PCDHGB4: variants seen among roughly 807,000 people sequenced by gnomAD.
The protein encoded by PCDHGB4 is protocadherin gamma-B4.
A neutral mutation model predicts 60.5 loss-of-function variants in PCDHGB4; 38 were observed. That is an observed-to-expected ratio of 0.63 (90% CI 0.48 to 0.82). The LOEUF is 0.82. Among genes scored for constraint, PCDHGB4 ranks in the 40% least tolerant of loss-of-function variants. The pLI, the probability that PCDHGB4 is intolerant of heterozygous loss-of-function variation, is 0.00. For synonymous variants in PCDHGB4, 456 were observed against 509.7 expected (o/e 0.89, Z 1.42); for missense variants, 1,109 against 1,209.6 (o/e 0.92, Z 1.23).
At chr5:141,442,452 CA>C (rs2098325918) in intron 1 of PCDHGB4, 1 of 152,226 alleles carries the variant, frequency 6.6e-6, no homozygotes, top group Admixed American at 6.5e-5. Flanking sequence ...GACTCAATAG[CA>C]GTTTCACTGC....
At chr5:141,443,475 G>T (rs994058112) in intron 1 of PCDHGB4, among the ~76,000 whole-genome samples, 1 of 152,148 alleles carries the variant, frequency 6.6e-6, no homozygotes, top group African/African-American at 2.4e-5. Flanking sequence ...GACAGAATTA[G>T]ACCCTGTCCC....
intron 1 of PCDHGB4, among the ~76,000 whole-genome samples, chr5:141,444,880 G>A (rs527554886): frequency 6.6e-6 from 1 of 152,150 alleles, no homozygotes; most frequent in Non-Finnish European, 1.5e-5. Context: ...AAGCTTGTAG[G>A]ATTTTTGAAT....
chr5:141,460,686 C>A (rs2098995566), intron 1 of PCDHGB4, among the ~76,000 whole-genome samples: 1 of 151,698 alleles, frequency 6.6e-6, no homozygotes, highest in Admixed American at 6.6e-5. Context: ...TCTATATATC[C>A]ACCAACAGTT....
chr5:141,487,435 A>G lies in PCDHGB4; in HGVS notation c.2398-7372A>G, dbSNP rs776328527. On this transcript the variant is annotated intron_variant, in intron 1 of 3. Transcript: ENST00000519479. The surrounding 1 kb of genome is among the most constrained non-coding windows in gnomAD (Gnocchi z 5.0). ...CCAATGGGATCCTCCGAATCCAGCT[A>G]GGGTCAGATGACCCTATCAAGTTTG... 3.7e-6 allele frequency: 6 copies of G among 1,614,164 alleles called. No individual in the cohort carries two copies. In the South Asian group the frequency reaches 6.6e-5, roughly 18 times the overall value.
intron 1 of PCDHGB4, among the ~76,000 whole-genome samples, chr5:141,463,224 G>C (rs1039535501): frequency 6.6e-6 from 1 of 151,958 alleles, no homozygotes; most frequent in Non-Finnish European, 1.5e-5. Context: ...AATATTCCTG[G>C]AGTTCTTTGT....
chr5:141,471,790 C>T (rs1465283136), intron 1 of PCDHGB4, among the ~76,000 whole-genome samples: 1 of 152,068 alleles, frequency 6.6e-6, no homozygotes, highest in Non-Finnish European at 1.5e-5. Context: ...TATGCTATGT[C>T]ATATAAAAGA....
intron 1 of PCDHGB4, among the ~76,000 whole-genome samples, chr5:141,461,985 G>C (rs894777268): frequency 2.6e-5 from 4 of 152,170 alleles, no homozygotes; most frequent in Non-Finnish European, 5.9e-5. Flanking sequence ...CACCACGCCA[G>C]GCTAATTTTG....
chr5:141,485,118 G>C lies in PCDHGB4; in HGVS notation c.2398-9689G>C, dbSNP rs547390669. 1 of 1,331,536 alleles carries C rather than the reference G, an allele frequency of 7.5e-7. No homozygotes were observed. Among genetic ancestry groups the C allele is most frequent in the East Asian group, 2.3e-5 (1 of 43,534 alleles). The allele number at this position is 1,331,536 out of a possible 1,614,324, so 82.5% of individuals were successfully genotyped here. On this transcript the variant is annotated intron_variant, in intron 1 of 3. Coordinates refer to ENST00000519479, the MANE Select transcript of PCDHGB4 (RefSeq NM_003736.4). The surrounding 1 kb of genome is among the most constrained non-coding windows in gnomAD (Gnocchi z 5.7). ...TCTCCAGCTGCTGTGGCTGTTTGGG[G>C]CGGGTCGGCTTCATCCGCGTCTCAG...
chr5:141,509,051 A>G (rs1051961974), intron 3 of PCDHGB4, among the ~76,000 whole-genome samples: 1 of 152,166 alleles, frequency 6.6e-6, no homozygotes, highest in Admixed American at 6.5e-5. Context: ...CCCCGCCCCC[A>G]GAAAGCTCTC....
At chr5:141,435,430 T>C (rs576681937) in intron 1 of PCDHGB4, among the ~76,000 whole-genome samples, 115 of 152,334 alleles carry the variant, frequency 7.5e-4, no homozygotes, top group African/African-American at 2.6e-3. Flanking sequence ...ACTTCTGTTA[T>C]GCATTTCATT....
intron 1 of PCDHGB4, chr5:141,410,438 G>A (rs957017717): frequency 2.5e-6 from 4 of 1,613,894 alleles, no homozygotes; most frequent in African/African-American, 2.7e-5. Flanking sequence ...CTACAGTGAG[G>A]GGACTTTGCC....
rs1258238617 is a variant in PCDHGB4, at chr5:141,409,461, T to A, written c.2397+19180T>A. On this transcript the variant is annotated intron_variant, in intron 1 of 3. Coordinates refer to ENST00000519479, the MANE Select transcript of PCDHGB4 (RefSeq NM_003736.4). ...CGAGAGCAGACACCAGAATACAATG[T>A]CACCATCGTAGCCACTGACAGGGGC... The A allele has an allele frequency of 5.0e-6, 8 of 1,613,928 alleles. No homozygotes were observed. In the Admixed American group the frequency reaches 1.3e-4, roughly 27 times the overall value.
chr5:141,426,310 A>G, intron 1 of PCDHGB4: 1 of 173,588 alleles, frequency 5.8e-6, no homozygotes. Context: ...GAAGCAGAGA[A>G]GCAGGACCCG....
At chr5:141,429,105 C>G (rs936114624) in intron 1 of PCDHGB4, 1 of 152,318 alleles carries the variant, frequency 6.6e-6, no homozygotes, top group Non-Finnish European at 1.5e-5. Flanking sequence ...CTGCCCGCCT[C>G]GGCCTCCCAA....
intron 1 of PCDHGB4, among the ~76,000 whole-genome samples, chr5:141,482,804 G>T (rs1431490730): frequency 6.6e-6 from 1 of 152,194 alleles, no homozygotes; most frequent in East Asian, 1.9e-4. Flanking sequence ...GGGTACGGTG[G>T]CTCATGCCTG....
rs200072718 is a variant in PCDHGB4 at position 141,389,516 on chromosome 5, G to C, written c.1632G>C (p.Val544=). 4,499 of 1,613,168 alleles carry C rather than the reference G, an allele frequency of 2.8e-3. 16 individuals are homozygous for C. Among genetic ancestry groups the C allele is most frequent in the Non-Finnish European group, 3.4e-3 (4,037 of 1,179,766 alleles). ...DQGSPALSAN[V]SLRVLVDDRN... is the part of the protein sequence containing the mutation. The stretch of plus-strand genomic sequence containing the variant: ...GCTCGCCAGCGCTCAGCGCGAACGT[G>C]AGCCTGCGCGTGTTAGTGGACGACC... Residue 544 remains valine (V), a synonymous_variant, in exon 1 of 4, where the codon GTG becomes GTC. Coordinates refer to ENST00000519479, the MANE Select transcript of PCDHGB4 (RefSeq NM_003736.4).
chr5:141,491,714 C>T lies in PCDHGB4; in HGVS notation c.2398-3093C>T, dbSNP rs1321811999. 2 of 1,608,744 alleles carry T rather than the reference C, an allele frequency of 1.2e-6. No individual in the cohort carries two copies. Among genetic ancestry groups the T allele is most frequent in the Non-Finnish European group, 1.7e-6 (2 of 1,177,916 alleles). The stretch of plus-strand genomic sequence containing the variant: ...GAGCGGAGCCAGGTGAGGGGCTCGG[C>T]GCCGCCCCGGGCGACCCCTGGGGGC... On this transcript the variant is annotated intron_variant, in intron 1 of 3. Coordinates refer to ENST00000519479, the MANE Select transcript of PCDHGB4 (RefSeq NM_003736.4). The surrounding 1 kb of genome is among the most constrained non-coding windows in gnomAD (Gnocchi z 6.9).
At chr5:141,410,804 T>A in intron 1 of PCDHGB4, 1 of 674,100 alleles carries the variant, frequency 1.5e-6, no homozygotes, top group Non-Finnish European at 2.3e-6. Flanking sequence ...TTGCTCTATC[T>A]TTTTGTAAAA....
Position 141,505,427 on chromosome 5 carries a change from A to G in PCDHGB4, c.2491A>G (p.Asn831Asp), listed in dbSNP as rs1453435374. Reference protein sequence around the residue: ...QNGDDTGTWPNNQFDTEMLQA... With the variant: ...QNGDDTGTWPDNQFDTEMLQA... The stretch of plus-strand genomic sequence containing the variant: ...TGGCGATGACACCGGCACCTGGCCC[A>G]ACAACCAGTTTGACACAGAGATGCT... The change falls in exon 3 of 4, where the codon AAC (asparagine) becomes GAC (aspartate). Residue 831 changes from asparagine to aspartate, a missense_variant. Physicochemically the swap from Asn to Asp is conservative, Grantham distance 23 (BLOSUM62 1). Around this residue, in one of 2 missense-constraint regions of PCDHGB4, gnomAD observed 1,068 missense variants for 1,089.9 expected, o/e 0.98. Coordinates refer to ENST00000519479, the MANE Select transcript of PCDHGB4 (RefSeq NM_003736.4). 1 of 1,614,230 alleles carries G rather than the reference A, an allele frequency of 6.2e-7. No individual in the cohort carries two copies. Among genetic ancestry groups the G allele is most frequent in the East Asian group, 2.2e-5 (1 of 44,878 alleles).
Sources: gnomAD v4.1 joint callset for allele counts (sites outside exome capture counted in the v4.1 genomes callset) on GRCh38, gnomAD v4.1.1 for gene constraint, gnomAD v4.1.1 regional missense constraint, Gnocchi (gnomAD v3.1) non-coding constraint, MANE v1.5 for transcripts, NCBI Gene and HGNC (gene_info 2026-07-23, HGNC 2026-07-21) for gene names.